Variants in HS3ST5 observed in about 807,000 individuals in gnomAD.
HS3ST5 encodes heparan sulfate glucosamine 3-O-sulfotransferase 5.
In HS3ST5, 10 loss-of-function variants were observed where a neutral mutation model predicts 25.4. That is an observed-to-expected ratio of 0.39 (90% CI 0.24 to 0.67). The LOEUF (loss-of-function observed/expected upper bound fraction) is 0.67. Ranked by LOEUF, HS3ST5 falls within the 30% of genes least tolerant of loss-of-function variation. The pLI is 0.44. For missense variants in HS3ST5, 324 were observed against 420.7 expected, an observed-to-expected ratio of 0.77 and a Z score of 2.01; for synonymous variants, 170 against 162.4, an observed-to-expected ratio of 1.05 and a Z score of -0.36.
At chr6:114,078,050 A>G (rs568426639) in intron 3 of HS3ST5, among the ~76,000 whole-genome samples, 10 of 152,344 alleles carry the variant, frequency 6.6e-5, no homozygotes, top group East Asian at 3.9e-4. Flanking sequence ...GTGCAGAAAT[A>G]TGAATGTATC....
At chr6:114,276,623 C>A (rs377461441) in intron 1 of HS3ST5, among the ~76,000 whole-genome samples, 21 of 128,564 alleles carry the variant, frequency 1.6e-4, no homozygotes, top group South Asian at 7.4e-4. Context: ...AAAAAAAAAA[C>A]AAAAAAACAA....
chr6:114,077,822 A>G (rs1169184020), intron 3 of HS3ST5, among the ~76,000 whole-genome samples: 2 of 152,316 alleles, frequency 1.3e-5, no homozygotes, highest in Non-Finnish European at 2.9e-5. Context: ...GTGTATATAA[A>G]TGGCTTTTAA....
At chr6:114,267,542 C>CACA (rs1773458825) in intron 1 of HS3ST5, among the ~76,000 whole-genome samples, 1 of 152,172 alleles carries the variant, frequency 6.6e-6, no homozygotes, top group South Asian at 2.1e-4. Flanking sequence ...GAACACAAGG[C>CACA]ACAAGCACCC....
chr6:114,221,364 G>C (rs1370305166), intron 2 of HS3ST5, among the ~76,000 whole-genome samples: 1 of 151,796 alleles, frequency 6.6e-6, no homozygotes, highest in Non-Finnish European at 1.5e-5. Context: ...CGAATTTAAA[G>C]TTCAGTCCTC....
intron 1 of HS3ST5, among the ~76,000 whole-genome samples, chr6:114,272,507 T>C (rs1773678634): frequency 6.6e-6 from 1 of 152,122 alleles, no homozygotes. Context: ...TTGCATTAGA[T>C]GTTGGAGGTG....
chr6:114,174,596 A>G (rs1779632483), intron 2 of HS3ST5, among the ~76,000 whole-genome samples: 1 of 152,144 alleles, frequency 6.6e-6, no homozygotes, highest in African/African-American at 2.4e-5. Context: ...TTACTTACCA[A>G]AGTCGATATG....
At chr6:114,062,290 A>C (rs1432726990) in intron 4 of HS3ST5, among the ~76,000 whole-genome samples, 1 of 152,126 alleles carries the variant, frequency 6.6e-6, no homozygotes, top group Admixed American at 6.5e-5. Context: ...AGAGCAATGG[A>C]TTGCAAACTC....
At chr6:114,091,258 G>A (rs1343454827) in intron 3 of HS3ST5, among the ~76,000 whole-genome samples, 2 of 152,166 alleles carry the variant, frequency 1.3e-5, no homozygotes, top group African/African-American at 2.4e-5. Flanking sequence ...ATAAGTTTGT[G>A]GATCAAGTAT....
At chr6:114,110,202 C>CAAAAAATTAAATTAAAATTAATT in intron 3 of HS3ST5, among the ~76,000 whole-genome samples, 2 of 152,128 alleles carry the variant, frequency 1.3e-5, no homozygotes, top group South Asian at 4.2e-4. Context: ...ATTAATCTGT[C>CAAAAAATTAAATTAAAATTAATT]AAAAAGTAAT....
chr6:114,059,995 T>C (rs1185038955), intron 4 of HS3ST5, among the ~76,000 whole-genome samples: 1 of 149,342 alleles, frequency 6.7e-6, no homozygotes, highest in Non-Finnish European at 1.5e-5. Flanking sequence ...TTGTGGAAAG[T>C]GTGAAAATAT....
intron 3 of HS3ST5, among the ~76,000 whole-genome samples, chr6:114,111,873 G>A (rs112866843): frequency 0.014 from 2,098 of 152,070 alleles, 47 homozygotes; most frequent in African/African-American, 0.048. Flanking sequence ...TGCCTCAACC[G>A]TCACGTCCTA....
intron 2 of HS3ST5, among the ~76,000 whole-genome samples, chr6:114,214,845 A>C (rs540096238): frequency 6.6e-6 from 1 of 152,324 alleles, no homozygotes; most frequent in South Asian, 2.1e-4. Context: ...AAGGGCAGAT[A>C]CAGCCTCAGT....
In HS3ST5 at chr6:114,113,899, T is replaced by C. The variant is rs1776394399; in HGVS notation, c.-32-51022A>G. 2.0e-5 allele frequency among the ~76,000 whole-genome samples: 3 copies of C among 152,100 alleles called. No individual in the cohort carries two copies. The South Asian group carries it at 6.2e-4, about 32-fold the overall frequency. Reference sequence around the variant, plus strand: ...ATGAAAGTAGGATGCCTGTGTATCATTACATTGTTATCATTAGAAATCAGG... The same window carrying C: ...ATGAAAGTAGGATGCCTGTGTATCACTACATTGTTATCATTAGAAATCAGG... On this transcript the variant is annotated intron_variant, in intron 3 of 4. Coordinates refer to ENST00000312719, the MANE Select transcript of HS3ST5 (RefSeq NM_153612.4).
intron 1 of HS3ST5, among the ~76,000 whole-genome samples, chr6:114,341,109 C>T (rs1348543702): frequency 2.9e-4 from 40 of 137,828 alleles, no homozygotes; most frequent in Admixed American, 2.6e-3. Flanking sequence ...CCAGTGTTTT[C>T]TAAGAAGAAA....
chr6:114,336,406 C>G (rs1776613660), intron 1 of HS3ST5, among the ~76,000 whole-genome samples: 1 of 152,154 alleles, frequency 6.6e-6, no homozygotes, highest in Non-Finnish European at 1.5e-5. Flanking sequence ...GCCAGGAGTT[C>G]AGACCAGTCT....
Position 114,115,844 on chromosome 6 carries a change from T to C in HS3ST5, c.-33+52507A>G, listed in dbSNP as rs148579533. On this transcript the variant is annotated intron_variant, in intron 3 of 4. Coordinates refer to ENST00000312719, the MANE Select transcript of HS3ST5 (RefSeq NM_153612.4). Reference sequence around the variant, plus strand: ...GTATTTTAGTGTCTCTGTGGCCTGATCCAAAGGCTATTCCTAGCAGTTTGT... The same window carrying C: ...GTATTTTAGTGTCTCTGTGGCCTGACCCAAAGGCTATTCCTAGCAGTTTGT... Among the ~76,000 whole-genome samples, 121 of 152,220 alleles carry C rather than the reference T, an allele frequency of 7.9e-4. 4 individuals carry two copies. Among genetic ancestry groups the C allele is most frequent in the African/African-American group, 2.8e-3 (115 of 41,554 alleles).
intron 3 of HS3ST5, among the ~76,000 whole-genome samples, chr6:114,098,898 A>AT (rs1176885054): frequency 1.3e-5 from 2 of 152,028 alleles, no homozygotes; most frequent in African/African-American, 4.8e-5. Flanking sequence ...ATATTTGTGT[A>AT]TTTTTTCCTT....
At chr6:114,230,676 C>T (rs1771542620) in intron 1 of HS3ST5, among the ~76,000 whole-genome samples, 1 of 150,046 alleles carries the variant, frequency 6.7e-6, no homozygotes, top group Non-Finnish European at 1.5e-5. Context: ...AACCCCCCAT[C>T]TTCTGGGTTC....
intron 2 of HS3ST5, among the ~76,000 whole-genome samples, chr6:114,194,924 A>G (rs1043686732): frequency 6.6e-6 from 1 of 152,242 alleles, no homozygotes; most frequent in African/African-American, 2.4e-5. Context: ...CTCCCAGCCT[A>G]TCAGAATAGC....
Sources: gnomAD v4.1 joint callset for allele counts (sites outside exome capture counted in the v4.1 genomes callset) on GRCh38, gnomAD v4.1.1 for gene constraint, MANE v1.5 for transcripts, NCBI Gene and HGNC (gene_info 2026-07-23, HGNC 2026-07-21) for gene names.